Variants in PID1 observed in about 807,000 individuals in gnomAD.
PID1 encodes the protein phosphotyrosine interaction domain containing 1.
Under a neutral mutation model 19.1 loss-of-function variants are expected in PID1, and 10 were observed. The ratio of observed to expected loss-of-function variants is 0.52; its 90% CI spans 0.32 to 0.89. The LOEUF (loss-of-function observed/expected upper bound fraction) is 0.89. Ranked by LOEUF, PID1 falls within the 40% of genes least tolerant of loss-of-function variation. The probability of loss-of-function intolerance (pLI) is 0.03; values close to 1 mark genes in which losing one functional copy is unlikely to be tolerated. For missense variants in PID1, 248 were observed against 285.3 expected (o/e 0.87, Z 0.94); for synonymous variants, 130 against 116.0 (o/e 1.12, Z -0.78).
At chr2:229,263,785 G>A (rs1409143639) in intron 1 of PID1, among the ~76,000 whole-genome samples, 1 of 152,172 alleles carries the variant, frequency 6.6e-6, no homozygotes, top group Non-Finnish European at 1.5e-5. Context: ...TGACACAAGA[G>A]GCACAGTGCT....
At chr2:229,032,790 C>T (rs1299067893) in intron 2 of PID1, among the ~76,000 whole-genome samples, 6 of 152,218 alleles carry the variant, frequency 3.9e-5, no homozygotes, top group Non-Finnish European at 5.9e-5. Flanking sequence ...AAACTGATCT[C>T]CCAAACACAG....
At chr2:229,160,403 G>T (rs577543216) in intron 1 of PID1, among the ~76,000 whole-genome samples, 16 of 152,054 alleles carry the variant, frequency 1.1e-4, no homozygotes, top group Admixed American at 9.2e-4. Context: ...GAAGATAACA[G>T]AGTTCAAATT....
intron 1 of PID1, among the ~76,000 whole-genome samples, chr2:229,220,818 A>G (rs1691951637): frequency 6.6e-6 from 1 of 152,220 alleles, no homozygotes; most frequent in South Asian, 2.1e-4. Context: ...ACTCAATAAG[A>G]AAGCTATTTA....
chr2:229,107,807 T>C lies in PID1; in HGVS notation c.177+48011A>G, dbSNP rs568058144. Among the ~76,000 whole-genome samples the C allele has an allele frequency of 2.0e-3, 308 of 152,326 alleles. 1 individual carries two copies. The highest frequency in any genetic ancestry group is 2.6e-3 in the Non-Finnish European group (178 of 68,026). On this transcript the variant is annotated intron_variant, in intron 2 of 2. Transcript: ENST00000392055. The stretch of plus-strand genomic sequence containing the variant: ...ATGGAACGGCAGCATTGGCATCCCC[T>C]GGAAGCTTGTTAGAAAATGCAGGGC...
intron 1 of PID1, among the ~76,000 whole-genome samples, chr2:229,237,225 G>C (rs1452180075): frequency 1.3e-5 from 2 of 152,108 alleles, no homozygotes; most frequent in Non-Finnish European, 2.9e-5. Flanking sequence ...TTCTTTCTGT[G>C]AATATGTTCA....
At chr2:229,236,209 G>A (rs553867306) in intron 1 of PID1, 1 of 152,148 alleles carries the variant, frequency 6.6e-6, no homozygotes, top group African/African-American at 2.4e-5. Flanking sequence ...GTCAATTCAG[G>A]TACAAACTTT....
intron 2 of PID1, among the ~76,000 whole-genome samples, chr2:229,062,708 T>C (rs949157524): frequency 3.3e-5 from 5 of 151,930 alleles, no homozygotes; most frequent in African/African-American, 1.2e-4. Context: ...AAAATATTGG[T>C]ATTAGTTCTT....
At chr2:229,155,342 A>C (rs1333434964) in intron 2 of PID1, among the ~76,000 whole-genome samples, 1 of 152,046 alleles carries the variant, frequency 6.6e-6, no homozygotes, top group East Asian at 1.9e-4. Flanking sequence ...TGAGGTGGGC[A>C]GATCATGAGG....
At chr2:229,046,191 C>G (rs1466858704) in intron 2 of PID1, among the ~76,000 whole-genome samples, 1 of 152,080 alleles carries the variant, frequency 6.6e-6, no homozygotes, top group Non-Finnish European at 1.5e-5. Flanking sequence ...AAAAAATAAA[C>G]AAGATGAAAG....
At chr2:229,232,431 CAAAAAAAAAAAAAAAA>C (rs386392861) in intron 1 of PID1, among the ~76,000 whole-genome samples, 1 of 41,354 alleles carries the variant, frequency 2.4e-5, no homozygotes, top group Non-Finnish European at 3.8e-5. Context: ...GACTCCATCT[CAAAAAAAAAAAAAAAA>C]AAAAAAAAAA....
chr2:229,210,135 A>G (rs1691695381), intron 1 of PID1, among the ~76,000 whole-genome samples: 1 of 151,034 alleles, frequency 6.6e-6, no homozygotes, highest in Non-Finnish European at 1.5e-5. Context: ...CGACTACTTG[A>G]ACTTAAAAAA....
intron 2 of PID1, among the ~76,000 whole-genome samples, chr2:229,081,231 C>A (rs1336113534): frequency 6.6e-6 from 1 of 152,146 alleles, no homozygotes; most frequent in Non-Finnish European, 1.5e-5. Flanking sequence ...CCATTGTTTT[C>A]TGAAAACTTA....
At chr2:229,172,827 G>A (rs1454456451) in intron 1 of PID1, among the ~76,000 whole-genome samples, 1 of 152,132 alleles carries the variant, frequency 6.6e-6, no homozygotes, top group Admixed American at 6.5e-5. Context: ...CACCTCCTGG[G>A]TTCGAGCAAT....
At chr2:229,080,798 C>G (rs1009407252) in intron 2 of PID1, among the ~76,000 whole-genome samples, 2 of 152,124 alleles carry the variant, frequency 1.3e-5, no homozygotes, top group Non-Finnish European at 2.9e-5. Flanking sequence ...AAACCTCTAA[C>G]AAATAGAGCT....
intron 2 of PID1, among the ~76,000 whole-genome samples, chr2:229,046,147 A>C (rs1183146835): frequency 6.6e-6 from 1 of 152,214 alleles, no homozygotes; most frequent in Non-Finnish European, 1.5e-5. Flanking sequence ...CAATAAGGCA[A>C]TATTTCCTCA....
chr2:229,093,317 T>A (rs548333144), intron 2 of PID1, among the ~76,000 whole-genome samples: 1 of 151,860 alleles, frequency 6.6e-6, no homozygotes, highest in Non-Finnish European at 1.5e-5. Flanking sequence ...AGAGATGGGG[T>A]TTCACCACGT....
chr2:229,040,687 G>A (rs1263755195), intron 2 of PID1, among the ~76,000 whole-genome samples: 1 of 152,152 alleles, frequency 6.6e-6, no homozygotes, highest in Admixed American at 6.5e-5. Flanking sequence ...CTGCAGTGAA[G>A]AGAGGAAAAA....
chr2:229,084,233 C>A (rs1189195746), intron 2 of PID1, among the ~76,000 whole-genome samples: 1 of 152,170 alleles, frequency 6.6e-6, no homozygotes, highest in Non-Finnish European at 1.5e-5. Flanking sequence ...AGGTCAGACA[C>A]AAAGCCAAAG....
chr2:229,085,117 G>A (rs990259428), intron 2 of PID1, among the ~76,000 whole-genome samples: 25 of 151,064 alleles, frequency 1.7e-4, no homozygotes, highest in Admixed American at 6.6e-4. Context: ...AATAAACTAT[G>A]ACAATTGCAA....
Sources: allele counts gnomAD v4.1 joint callset (sites outside exome capture counted in the v4.1 genomes callset), GRCh38; gene constraint gnomAD v4.1.1; transcripts MANE v1.5; gene names NCBI Gene and HGNC (gene_info 2026-07-23, HGNC 2026-07-21).